Variants in ADAMTS9 observed in about 807,000 individuals in gnomAD.
The protein encoded by ADAMTS9 is A disintegrin and metalloproteinase with thrombospondin motifs 9.
Under a neutral mutation model 257.1 loss-of-function variants are expected in ADAMTS9, and 107 were observed. The observed-to-expected ratio is 0.42, with a 90% CI of 0.36 to 0.49. The LOEUF (loss-of-function observed/expected upper bound fraction) is 0.49. Ranked by LOEUF, ADAMTS9 falls within the 20% of genes least tolerant of loss-of-function variation. The pLI is 0.03. For missense variants in ADAMTS9, 2,353 were observed against 2,469.1 expected, an observed-to-expected ratio of 0.95 and a Z score of 1.00; for synonymous variants, 982 against 880.9, an observed-to-expected ratio of 1.11 and a Z score of -2.03.
rs1230038854 is a variant in ADAMTS9 at position 64,654,367 on chromosome 3, A to G, written c.1302T>C (p.His434=). 1.2e-6 allele frequency: 2 copies of G among 1,613,924 alleles called. No homozygotes were observed. The highest frequency in any genetic ancestry group is 1.7e-5 in the Admixed American group (1 of 60,004). ...AGGTAACTCACACATGGCCCAGCTCATGGGCGATCGTAAAAGCTGTACTCA... is the reference window on the plus strand; with the variant it reads ...AGGTAACTCACACATGGCCCAGCTCGTGGGCGATCGTAAAAGCTGTACTCA... The part of the protein sequence containing the change: ...SGLSTAFTIA[H]ELGHVFNMPH... Residue 434 remains histidine, a synonymous_variant, in exon 8 of 40, where the codon CAT becomes CAC. Coordinates refer to ENST00000498707, the MANE Select transcript of ADAMTS9 (RefSeq NM_182920.2).
chr3:64,622,608 A>G (rs1458645538), intron 16 of ADAMTS9, 22 bp from the exon 17 acceptor site: 2 of 1,612,248 alleles, frequency 1.2e-6, no homozygotes, highest in Non-Finnish European at 1.7e-6. Context: ...GAAACAGAAT[A>G]ATACATTGAT....
intron 30 of ADAMTS9, among the ~76,000 whole-genome samples, chr3:64,552,249 A>C (rs2106935160): frequency 6.6e-6 from 1 of 152,328 alleles, no homozygotes; most frequent in African/African-American, 2.4e-5. Flanking sequence ...TTACAGAGCA[A>C]GTGGTATGTT....
chr3:64,660,198 GAAGAAGTA>G (rs1217321561), intron 3 of ADAMTS9, among the ~76,000 whole-genome samples: 2 of 152,178 alleles, frequency 1.3e-5, no homozygotes, highest in African/African-American at 4.8e-5. Flanking sequence ...ATTGTACAAT[GAAGAAGTA>G]TGCTTACCTA....
At chr3:64,635,790 G>C (rs1700481211) in intron 12 of ADAMTS9, among the ~76,000 whole-genome samples, 1 of 151,944 alleles carries the variant, frequency 6.6e-6, no homozygotes, top group Non-Finnish European at 1.5e-5. Context: ...GCCATTTAGA[G>C]ATGCAGAATG....
At chr3:64,628,469 A>G (rs1700282665) in intron 16 of ADAMTS9, among the ~76,000 whole-genome samples, 1 of 152,208 alleles carries the variant, frequency 6.6e-6, no homozygotes, top group Admixed American at 6.5e-5. Flanking sequence ...ATGCTGTTTC[A>G]TTTAATTAGG....
Position 64,605,519 on chromosome 3 carries a change from G to T in ADAMTS9, c.3475-1188C>A, listed in dbSNP as rs541403692. ...CACTTTGAAAGGCAGCAGATTGAGG[G>T]TGTTCAGGATGGAGATAGTACATCA... On this transcript the variant is annotated intron_variant, in intron 23 of 39. Transcript: ENST00000498707. Among the ~76,000 whole-genome samples the T allele has an allele frequency of 2.0e-5, 3 of 152,268 alleles. No homozygotes were observed. The East Asian group carries it at 5.8e-4, about 29-fold the overall frequency.
At chr3:64,658,382 C>A (rs1052699578) in intron 4 of ADAMTS9, 120 bp downstream of exon 4, 4 of 1,036,822 alleles carry the variant, frequency 3.9e-6, no homozygotes, top group Non-Finnish European at 5.6e-6. Context: ...TCTCTTCAGT[C>A]ACTTGCCTGA....
chr3:64,522,500 A>G (rs1378534472), intron 38 of ADAMTS9: 1 of 353,158 alleles, frequency 2.8e-6, no homozygotes, highest in Non-Finnish European at 5.1e-6. Flanking sequence ...ATATTTTTAA[A>G]TAATTGAGAA....
intron 28 of ADAMTS9, chr3:64,582,394 T>C (rs1376407321): frequency 2.6e-5 from 4 of 152,176 alleles, no homozygotes; most frequent in Non-Finnish European, 5.9e-5. Flanking sequence ...TATAAGGATT[T>C]CACTTCCCTT....
intron 25 of ADAMTS9, among the ~76,000 whole-genome samples, 185 bp downstream of exon 25, chr3:64,603,737 G>T (rs1038232997): frequency 6.6e-6 from 1 of 152,168 alleles, no homozygotes; most frequent in Non-Finnish European, 1.5e-5. Flanking sequence ...TAAACATTTA[G>T]CTAAGAGTCC....
Position 64,687,635 on chromosome 3 carries a change from G to A in ADAMTS9, c.23C>T (p.Thr8Ile), listed in dbSNP as rs1559829635. Residue 8 changes from threonine to isoleucine, a missense_variant, in exon 1 of 40, where the codon ACA becomes ATA. Thr to Ile is a moderately conservative substitution (Grantham distance 89). Transcript: ENST00000498707. This position sits in a 1 kb window ranked among gnomAD's most constrained non-coding sequence, Gnocchi z 4.4. ...GTCCCGCACCAGGAGCGTTAGCAGTGTGGCCCAGGATACAAACTGCATGGT... is the reference window on the plus strand; with the variant it reads ...GTCCCGCACCAGGAGCGTTAGCAGTATGGCCCAGGATACAAACTGCATGGT... MQFVSWATLLTLLVRDLA... is the reference protein window; with the variant it reads MQFVSWAILLTLLVRDLA... The A allele has an allele frequency of 6.3e-7, 1 of 1,578,340 alleles. No homozygotes were observed. The highest frequency in any genetic ancestry group is 8.6e-7 in the Non-Finnish European group (1 of 1,163,674).
intron 14 of ADAMTS9, among the ~76,000 whole-genome samples, chr3:64,632,467 C>G (rs540987764): frequency 6.6e-6 from 1 of 152,126 alleles, no homozygotes; most frequent in African/African-American, 2.4e-5. Context: ...AAATCCCATA[C>G]GTTTAAATAT....
At chr3:64,658,317 G>A (rs768201777) in intron 4 of ADAMTS9, among the ~76,000 whole-genome samples, 185 bp downstream of exon 4, 1 of 152,156 alleles carries the variant, frequency 6.6e-6, no homozygotes, top group African/African-American at 2.4e-5. Flanking sequence ...TAAACACTCC[G>A]TATTGATAAC....
At chr3:64,574,735 C>A (rs1364997443) in intron 28 of ADAMTS9, among the ~76,000 whole-genome samples, 3 of 151,612 alleles carry the variant, frequency 2.0e-5, no homozygotes, top group Admixed American at 2.0e-4. Flanking sequence ...ACACACACCG[C>A]CCCCCTCCCC....
chr3:64,608,389 C>T (rs1259800821), intron 22 of ADAMTS9, among the ~76,000 whole-genome samples: 1 of 149,472 alleles, frequency 6.7e-6, no homozygotes, highest in African/African-American at 2.5e-5. Flanking sequence ...AAAAGATCAA[C>T]AAAATTGATA....
intron 33 of ADAMTS9, 86 bp from the exon 34 acceptor site, chr3:64,541,706 T>C: frequency 1.3e-6 from 2 of 1,554,986 alleles, no homozygotes; most frequent in Non-Finnish European, 1.8e-6. Flanking sequence ...TTGTTCGCAC[T>C]AAAACTTTTT....
chr3:64,633,768 GTGAGCACAC>G lies in ADAMTS9; in HGVS notation c.1959_1967del (p.Gln653_Ala655del). ...TGATGTTAAAATGCTTCCCGTCAAA[GTGAGCACAC>G]TGTTCATCTCGGAAGTCTCGCTTCT... On this transcript the variant is annotated inframe_deletion, in exon 13 of 40. Coordinates refer to ENST00000498707, the MANE Select transcript of ADAMTS9 (RefSeq NM_182920.2). 1 of 1,613,708 alleles carries G rather than the reference GTGAGCACAC, an allele frequency of 6.2e-7. No homozygotes were observed. Among genetic ancestry groups the G allele is most frequent in the Non-Finnish European group, 8.5e-7 (1 of 1,179,978 alleles).
At chr3:64,678,339 A>G (rs888653977) in intron 3 of ADAMTS9, among the ~76,000 whole-genome samples, 1 of 152,244 alleles carries the variant, frequency 6.6e-6, no homozygotes, top group African/African-American at 2.4e-5. Flanking sequence ...ACTGATGTAG[A>G]AAGTCAAGTC....
At chr3:64,567,094 T>C (rs1280778539) in intron 29 of ADAMTS9, among the ~76,000 whole-genome samples, 1 of 152,164 alleles carries the variant, frequency 6.6e-6, no homozygotes, top group Non-Finnish European at 1.5e-5. Flanking sequence ...CCCTGAGGAA[T>C]GATGACTGGA....
Sources: gnomAD v4.1 joint callset for allele counts (sites outside exome capture counted in the v4.1 genomes callset) on GRCh38, gnomAD v4.1.1 for gene constraint, Gnocchi (gnomAD v3.1) non-coding constraint, MANE v1.5 for transcripts, NCBI Gene and HGNC (gene_info 2026-07-23, HGNC 2026-07-21) for gene names.